MAPKAP1: variants seen among roughly 807,000 people sequenced by gnomAD.
MAPKAP1 encodes target of rapamycin complex 2 subunit MAPKAP1.
A neutral mutation model predicts 65.7 loss-of-function variants in MAPKAP1; 20 were observed. The observed-to-expected ratio is 0.30, with a 90% CI of 0.21 to 0.44. The LOEUF (loss-of-function observed/expected upper bound fraction) is 0.44. Ranked by LOEUF, MAPKAP1 falls within the 20% of genes least tolerant of loss-of-function variation. MAPKAP1 has a pLI of 1.00. For synonymous variants in MAPKAP1, 222 were observed against 244.3 expected (o/e 0.91, Z 0.85); for missense variants, 423 against 648.0 (o/e 0.65, Z 3.77).
intron 4 of MAPKAP1, among the ~76,000 whole-genome samples, chr9:125,649,069 C>T (rs1833815551): frequency 6.6e-6 from 1 of 152,160 alleles, no homozygotes; most frequent in South Asian, 2.1e-4. Context: ...ATAGTAAAAT[C>T]ATGGCCTCAT....
chr9:125,532,686 C>A, intron 7 of MAPKAP1, among the ~76,000 whole-genome samples: 1 of 152,218 alleles, frequency 6.6e-6, no homozygotes, highest in Non-Finnish European at 1.5e-5. Flanking sequence ...TCCACATTAA[C>A]CCCCTACAGT....
At chr9:125,642,025 C>CT (rs1833592733) in intron 4 of MAPKAP1, among the ~76,000 whole-genome samples, 1 of 151,928 alleles carries the variant, frequency 6.6e-6, no homozygotes, top group South Asian at 2.1e-4. Flanking sequence ...GAGCTAGACT[C>CT]TGTCTCAAAT....
chr9:125,599,004 C>T lies in MAPKAP1; in HGVS notation c.499-13277G>A, dbSNP rs142369705. ...ACAGTGAGCCAGCACTGCACTCTAG[C>T]CTGGGTGACAAGAATGAAACTCCGT... On this transcript the variant is annotated intron_variant, in intron 4 of 11. Coordinates refer to ENST00000265960, the MANE Select transcript of MAPKAP1 (RefSeq NM_001006617.3). 1.7e-3 allele frequency among the ~76,000 whole-genome samples: 262 copies of T among 150,868 alleles called. 1 individual carries two copies. The highest frequency in any genetic ancestry group is 3.1e-3 in the Non-Finnish European group (211 of 67,786).
intron 1 of MAPKAP1, among the ~76,000 whole-genome samples, chr9:125,705,278 CT>C: frequency 6.6e-6 from 1 of 152,344 alleles, no homozygotes; most frequent in East Asian, 1.9e-4. Context: ...AATCCTGGCT[CT>C]GTCTCCTACC....
At chr9:125,687,123 T>A (rs1835006845) in intron 1 of MAPKAP1, among the ~76,000 whole-genome samples, 1 of 144,840 alleles carries the variant, frequency 6.9e-6, no homozygotes, top group African/African-American at 2.7e-5. Flanking sequence ...ACCATGCCCA[T>A]CTTTTTTTTT....
chr9:125,657,572 T>C (rs1283788471), intron 4 of MAPKAP1, 79 bp downstream of exon 4: 1 of 1,310,604 alleles, frequency 7.6e-7, no homozygotes. Context: ...TCTGAAACCC[T>C]AAATCTAATA....
chr9:125,647,224 G>T (rs1237263501), intron 4 of MAPKAP1, among the ~76,000 whole-genome samples: 1 of 152,100 alleles, frequency 6.6e-6, no homozygotes, highest in Non-Finnish European at 1.5e-5. Context: ...CTTTGTCTAG[G>T]TGTTAAACTT....
intron 7 of MAPKAP1, among the ~76,000 whole-genome samples, chr9:125,541,963 C>T (rs1399887044): frequency 6.6e-6 from 1 of 152,210 alleles, no homozygotes; most frequent in Non-Finnish European, 1.5e-5. Context: ...TGGACGGAGC[C>T]GCCACAGCCG....
At chr9:125,672,696 G>T in intron 1 of MAPKAP1, 53 bp from the exon 2 acceptor site, 2 of 1,151,902 alleles carry the variant, frequency 1.7e-6, no homozygotes, top group Non-Finnish European at 2.5e-6. Flanking sequence ...GAAAATGACT[G>T]AATCATTTTT....
chr9:125,656,892 C>T (rs762430875), intron 4 of MAPKAP1, among the ~76,000 whole-genome samples: 26 of 152,232 alleles, frequency 1.7e-4, no homozygotes, highest in Non-Finnish European at 3.1e-4. Flanking sequence ...CTAGGATCCA[C>T]CTGAAATAGT....
At chr9:125,578,474 T>G (rs887145206) in intron 5 of MAPKAP1, among the ~76,000 whole-genome samples, 2 of 152,072 alleles carry the variant, frequency 1.3e-5, no homozygotes, top group Non-Finnish European at 2.9e-5. Context: ...AAGATAGTTC[T>G]TATGAAATGA....
chr9:125,467,096 A>G (rs142747732), intron 10 of MAPKAP1, among the ~76,000 whole-genome samples: 1 of 152,366 alleles, frequency 6.6e-6, no homozygotes, highest in Non-Finnish European at 1.5e-5. Flanking sequence ...ACTGAATCAC[A>G]ATCTACTAGG....
intron 4 of MAPKAP1, among the ~76,000 whole-genome samples, chr9:125,653,309 C>T (rs1164944021): frequency 6.6e-6 from 1 of 152,148 alleles, no homozygotes; most frequent in African/African-American, 2.4e-5. Context: ...AAAACGAAGA[C>T]CCAAGAAACT....
At chr9:125,561,707 G>C (rs1382544387) in intron 5 of MAPKAP1, among the ~76,000 whole-genome samples, 1 of 152,122 alleles carries the variant, frequency 6.6e-6, no homozygotes, top group Non-Finnish European at 1.5e-5. Flanking sequence ...TTCACCTCGA[G>C]TTTCAGTTTC....
intron 6 of MAPKAP1, among the ~76,000 whole-genome samples, chr9:125,549,460 T>A (rs1830521382): frequency 6.6e-6 from 1 of 152,250 alleles, no homozygotes; most frequent in Non-Finnish European, 1.5e-5. Flanking sequence ...TATGACTTTA[T>A]CCATAAAGAG....
chr9:125,538,562 A>T (rs906827951), intron 7 of MAPKAP1, among the ~76,000 whole-genome samples: 1 of 152,140 alleles, frequency 6.6e-6, no homozygotes, highest in African/African-American at 2.4e-5. Context: ...GGGTTAAGTA[A>T]ATTAAACTGC....
In MAPKAP1 at chr9:125,543,067, T is replaced by C. The variant is rs754427928; in HGVS notation, c.950A>G (p.Lys317Arg). ...TGATTTAACTATCCCACCTGAAACT[T>C]TCTGGGATCCTTTTCTTCGCTTCAC... is the stretch of plus-strand genomic sequence containing the variant. Reference protein sequence around the residue: ...KAVKRRKGSQKVSGPQYRLEK... With the variant: ...KAVKRRKGSQRVSGPQYRLEK... Residue 317 changes from lysine (K) to arginine (R), a missense_variant, in exon 7 of 12, where the codon AAA becomes AGA. This residue lies in a region of MAPKAP1 where 185 missense variants were observed against 268.1 expected (regional missense o/e 0.69). Coordinates refer to ENST00000265960, the MANE Select transcript of MAPKAP1 (RefSeq NM_001006617.3). 2.5e-6 allele frequency: 4 copies of C among 1,608,964 alleles called. No individual in the cohort carries two copies. The Admixed American group carries it at 5.0e-5, about 20-fold the overall frequency.
At chr9:125,519,477 T>C (rs1306575964) in intron 7 of MAPKAP1, among the ~76,000 whole-genome samples, 2 of 151,184 alleles carry the variant, frequency 1.3e-5, no homozygotes, top group Admixed American at 6.6e-5. Flanking sequence ...CTACAGAAAA[T>C]AAAAATTAGC....
At chr9:125,597,264 CAAAAAAAAAAAAAAA>C (rs35917056) in intron 4 of MAPKAP1, among the ~76,000 whole-genome samples, 1 of 52,656 alleles carries the variant, frequency 1.9e-5, no homozygotes, top group Non-Finnish European at 3.0e-5. Flanking sequence ...GACTCCGTCT[CAAAAAAAAAAAAAAA>C]AAAAAAAAAA....
Sources: gnomAD v4.1 joint callset for allele counts (sites outside exome capture counted in the v4.1 genomes callset) on GRCh38, gnomAD v4.1.1 for gene constraint, gnomAD v4.1.1 regional missense constraint, MANE v1.5 for transcripts, NCBI Gene and HGNC (gene_info 2026-07-23, HGNC 2026-07-21) for gene names.